The following ADGRB3 variants were observed in gnomAD, a reference collection of about 807,000 sequenced individuals.
ADGRB3 encodes the protein brain-specific angiogenesis inhibitor 3.
A neutral mutation model predicts 193.4 loss-of-function variants in ADGRB3; 37 were observed. The observed-to-expected ratio is 0.19, with a 90% confidence interval of 0.15 to 0.25. The LOEUF (loss-of-function observed/expected upper bound fraction) is 0.25, where lower values mean the gene tolerates loss of function less well. Among genes scored for constraint, ADGRB3 ranks in the 10% least tolerant of loss-of-function variants. The probability of loss-of-function intolerance (pLI) is 1.00; values close to 1 mark genes in which losing one functional copy is unlikely to be tolerated. For synonymous variants in ADGRB3, 690 were observed against 644.2 expected, an observed-to-expected ratio of 1.07 and a Z score of -1.08; for missense variants, 1,637 against 1,852.9, an observed-to-expected ratio of 0.88 and a Z score of 2.14.
chr6:69,164,133 GCATAACTGCTCTTCTGAT>G (rs1775070302), intron 17 of ADGRB3, among the ~76,000 whole-genome samples: 1 of 151,984 alleles, frequency 6.6e-6, no homozygotes, highest in East Asian at 1.9e-4. Context: ...TCCTCTGTTC[GCATAACTGCTCTTCTGAT>G]CATAACTACT....
intron 13 of ADGRB3, among the ~76,000 whole-genome samples, chr6:69,029,308 C>T (rs1770542901): frequency 6.6e-6 from 1 of 152,156 alleles, no homozygotes; most frequent in Non-Finnish European, 1.5e-5. Flanking sequence ...GCTAATTACA[C>T]AAGTTATGCT....
At chr6:69,132,237 C>G (rs9363985) in intron 17 of ADGRB3, among the ~76,000 whole-genome samples, 1 of 151,942 alleles carries the variant, frequency 6.6e-6, no homozygotes, top group African/African-American at 2.4e-5. Flanking sequence ...ATTTACACTC[C>G]CATCAACAGT....
At chr6:69,292,155 G>A (rs969888296) in intron 20 of ADGRB3, among the ~76,000 whole-genome samples, 1 of 152,186 alleles carries the variant, frequency 6.6e-6, no homozygotes, top group East Asian at 1.9e-4. Flanking sequence ...AGACTCCCAT[G>A]TCTTGTAAAA....
rs1767722519 is a variant in ADGRB3 at position 69,292,943 on chromosome 6, A to G, written c.2815-31929A>G. Among the ~76,000 whole-genome samples the G allele has an allele frequency of 2.3e-5, 3 of 133,102 alleles. 1 individual carries two copies. The South Asian group carries it at 6.7e-4, about 30-fold the overall frequency. The allele number at this position is 133,102 out of a possible 152,430, so 87.3% of individuals were successfully genotyped here. Reference sequence around the variant, plus strand: ...GTCCATGTGTTCTCAACCTCTTTCTATGCTTAGAGCAGCTGCATCTCCTCT... The same window carrying G: ...GTCCATGTGTTCTCAACCTCTTTCTGTGCTTAGAGCAGCTGCATCTCCTCT... On this transcript the variant is annotated intron_variant, in intron 20 of 31. Transcript: ENST00000370598.
intron 17 of ADGRB3, among the ~76,000 whole-genome samples, chr6:69,202,853 C>T (rs940138625): frequency 1.3e-5 from 2 of 152,072 alleles, no homozygotes; most frequent in African/African-American, 4.8e-5. Context: ...CCACAGAAGC[C>T]TGAGGAGTTG....
chr6:68,709,937 G>A (rs111976351), intron 3 of ADGRB3, among the ~76,000 whole-genome samples: 1 of 152,094 alleles, frequency 6.6e-6, no homozygotes. Context: ...CTTGCCTGTG[G>A]CATTCCTTAC....
intron 3 of ADGRB3, among the ~76,000 whole-genome samples, chr6:68,709,063 T>G (rs899121530): frequency 2.0e-5 from 3 of 152,240 alleles, no homozygotes; most frequent in Non-Finnish European, 2.9e-5. Flanking sequence ...CTCAATGCTC[T>G]GGACATTTTG....
intron 20 of ADGRB3, among the ~76,000 whole-genome samples, chr6:69,302,138 G>T (rs967254222): frequency 6.6e-6 from 1 of 151,918 alleles, no homozygotes; most frequent in South Asian, 2.1e-4. Flanking sequence ...TAATGTAGAT[G>T]AAAGTGTCCT....
intron 3 of ADGRB3, among the ~76,000 whole-genome samples, chr6:68,762,486 A>G (rs1766411555): frequency 7.0e-6 from 1 of 143,418 alleles, no homozygotes; most frequent in Non-Finnish European, 1.5e-5. Context: ...CCAACCATGA[A>G]TATATATATA....
chr6:69,336,399 A>G (rs1233400757), intron 24 of ADGRB3, among the ~76,000 whole-genome samples: 1 of 144,960 alleles, frequency 6.9e-6, no homozygotes, highest in Non-Finnish European at 1.5e-5. Flanking sequence ...ACCCTTTACA[A>G]ATTTCATGTG....
intron 3 of ADGRB3, among the ~76,000 whole-genome samples, chr6:68,832,714 A>G (rs1176267390): frequency 3.9e-5 from 6 of 152,194 alleles, no homozygotes; most frequent in African/African-American, 7.2e-5. Flanking sequence ...TCATGGCCAC[A>G]AATTCACTCT....
At chr6:68,982,759 T>C (rs1768957061) in intron 10 of ADGRB3, among the ~76,000 whole-genome samples, 1 of 152,244 alleles carries the variant, frequency 6.6e-6, no homozygotes, top group South Asian at 2.1e-4. Flanking sequence ...CTCAGCAGGA[T>C]TTTTAGGGCC....
intron 17 of ADGRB3, among the ~76,000 whole-genome samples, chr6:69,203,587 AGTCTTGAAAAC>A (rs1257446117): frequency 1.3e-5 from 2 of 152,144 alleles, no homozygotes; most frequent in African/African-American, 4.8e-5. Context: ...GACAAAGGCA[AGTCTTGAAAAC>A]GTGACCCTCA....
At chr6:68,652,584 T>C (rs995612289) in intron 3 of ADGRB3, among the ~76,000 whole-genome samples, 8 of 152,194 alleles carry the variant, frequency 5.3e-5, no homozygotes, top group Non-Finnish European at 7.3e-5. Context: ...TTTTCTCACA[T>C]ACTAGTTTAA....
At chr6:69,072,188 T>C (rs1313689986) in intron 16 of ADGRB3, among the ~76,000 whole-genome samples, 1 of 152,180 alleles carries the variant, frequency 6.6e-6, no homozygotes, top group East Asian at 1.9e-4. Flanking sequence ...TAGCTCACAG[T>C]CTCACATATT....
chr6:69,053,829 A>G (rs1771467937), intron 15 of ADGRB3, among the ~76,000 whole-genome samples: 2 of 152,088 alleles, frequency 1.3e-5, no homozygotes, highest in South Asian at 4.1e-4. Context: ...TAGCAATTCT[A>G]CTTCTAAGAA....
intron 3 of ADGRB3, among the ~76,000 whole-genome samples, chr6:68,701,026 A>G (rs771617980): frequency 1.3e-4 from 20 of 152,208 alleles, no homozygotes; most frequent in Non-Finnish European, 2.5e-4. Context: ...GATTTAGTCA[A>G]GGAATTTCAT....
intron 17 of ADGRB3, among the ~76,000 whole-genome samples, chr6:69,164,750 G>A (rs567108188): frequency 1.3e-5 from 2 of 152,174 alleles, no homozygotes; most frequent in East Asian, 1.9e-4. Context: ...ATGAGACAGC[G>A]TCCGTGAACT....
chr6:69,382,846 A>C lies in ADGRB3; in HGVS notation c.4291A>C (p.Arg1431=). The part of the protein sequence containing the change: ...DLDFEKVMHT[R]KRHMELFQEL... ...TTTTTTGCAGAAGGTCATGCATACAAGGAAGAGGCATATGGAACTATTTCA... is the reference window on the plus strand; with the variant it reads ...TTTTTTGCAGAAGGTCATGCATACACGGAAGAGGCATATGGAACTATTTCA... The change falls in exon 31 of 32, where the codon AGG becomes CGG. Residue 1431 remains arginine, a synonymous_variant. Transcript: ENST00000370598. The C allele has an allele frequency of 6.2e-7, 1 of 1,607,492 alleles. No individual in the cohort carries two copies. Among genetic ancestry groups the C allele is most frequent in the Admixed American group, 1.7e-5 (1 of 59,314 alleles).
Sources: gnomAD v4.1 joint callset for allele counts (sites outside exome capture counted in the v4.1 genomes callset) on GRCh38, gnomAD v4.1.1 for gene constraint, MANE v1.5 for transcripts, NCBI Gene and HGNC (gene_info 2026-07-23, HGNC 2026-07-21) for gene names.